The following WNT7A variants were observed in gnomAD, a reference collection of about 807,000 sequenced individuals.
WNT7A encodes protein Wnt-7a.
WNT7A carries 16 observed loss-of-function variants against 28.2 expected under a neutral mutation model. That is an observed-to-expected ratio of 0.57 (90% CI 0.38 to 0.86). WNT7A has a LOEUF of 0.86. WNT7A is among the 40% of genes least tolerant of loss of function. The pLI, the probability that WNT7A is intolerant of heterozygous loss-of-function variation, is 0.00. For missense variants in WNT7A, 411 were observed against 489.7 expected (o/e 0.84, Z 1.52); for synonymous variants, 190 against 195.9 (o/e 0.97, Z 0.25).
At chr3:13,823,367 C>T (rs534668130) in intron 3 of WNT7A, among the ~76,000 whole-genome samples, 18 of 152,312 alleles carry the variant, frequency 1.2e-4, no homozygotes, top group Non-Finnish European at 1.8e-4. Flanking sequence ...GGCATACAGC[C>T]GGTGCGCAGA....
At chr3:13,860,928 G>A (rs972309667) in intron 2 of WNT7A, among the ~76,000 whole-genome samples, 4 of 152,302 alleles carry the variant, frequency 2.6e-5, no homozygotes, top group African/African-American at 7.2e-5. Flanking sequence ...CATACAAAAT[G>A]TTTCTTATTC....
At position 13,866,050 on chromosome 3, in the gene WNT7A, C is replaced by G. The variant is rs574798507; in HGVS notation, c.298+8897G>C. 2.0e-5 allele frequency among the ~76,000 whole-genome samples: 3 copies of G among 152,288 alleles called. No homozygotes were observed. The East Asian group carries it at 5.8e-4, about 29-fold the overall frequency. On this transcript the variant is annotated intron_variant, in intron 2 of 3. Transcript: ENST00000285018. ...GCCTTTGAGTGGAGACCTGCATATGCAGGATATGACAGGTTGCCCACTATC... is the reference window on the plus strand; with the variant it reads ...GCCTTTGAGTGGAGACCTGCATATGGAGGATATGACAGGTTGCCCACTATC...
intron 2 of WNT7A, among the ~76,000 whole-genome samples, chr3:13,862,693 T>C (rs1474045279): frequency 6.6e-6 from 1 of 152,066 alleles, no homozygotes; most frequent in Non-Finnish European, 1.5e-5. Context: ...CTTGGTAAGG[T>C]AACAGGCCCA....
intron 3 of WNT7A, among the ~76,000 whole-genome samples, chr3:13,846,176 T>G (rs977422204): frequency 4.6e-5 from 7 of 152,256 alleles, no homozygotes; most frequent in African/African-American, 1.4e-4. Flanking sequence ...GATGCACGTG[T>G]GCGTGCCTGG....
intron 3 of WNT7A, 128 bp from the exon 4 acceptor site, chr3:13,819,551 T>C: frequency 7.5e-7 from 1 of 1,326,732 alleles, no homozygotes; most frequent in Non-Finnish European, 1.0e-6. Context: ...TTTTTCTTTC[T>C]GGTGTAGGAA....
Position 13,878,159 on chromosome 3 carries a change from G to A in WNT7A, c.71+1587C>T, listed in dbSNP as rs1349141472. On this transcript the variant is annotated intron_variant, in intron 1 of 3. Coordinates refer to ENST00000285018, the MANE Select transcript of WNT7A (RefSeq NM_004625.4). The stretch of plus-strand genomic sequence containing the variant: ...CTGCCGGGCAGCTGGGCCCCCGCAG[G>A]GCCAATCCGGGGAGGCCGCGGCGCC... Among the ~76,000 whole-genome samples the A allele has an allele frequency of 3.9e-5, 6 of 152,284 alleles. No homozygotes were observed. The East Asian group carries it at 1.2e-3, about 29-fold the overall frequency.
chr3:13,820,670 C>G (rs914696569), intron 3 of WNT7A, among the ~76,000 whole-genome samples: 6 of 152,136 alleles, frequency 3.9e-5, no homozygotes, highest in African/African-American at 1.4e-4. Flanking sequence ...TGGGCCCGTT[C>G]AAGATGCTGG....
Position 13,818,707 on chromosome 3 carries a change from CG to C in WNT7A, c.*236del. ...GCTGCAGAAGGCTTCGCTCCAGCCG[CG>C]GAGGGACCTGGGCTGTGTCTGGGGG... On this transcript the variant is annotated 3_prime_UTR_variant, in exon 4 of 4. Transcript: ENST00000285018. 1 of 467,450 alleles carries C rather than the reference CG, an allele frequency of 2.1e-6. No individual in the cohort carries two copies. Among genetic ancestry groups the C allele is most frequent in the Non-Finnish European group, 3.5e-6 (1 of 284,674 alleles). The allele number at this position is 467,450 out of a possible 1,614,324, so 29.0% of individuals were successfully genotyped here.
At chr3:13,850,910 C>T (rs138262068) in intron 3 of WNT7A, among the ~76,000 whole-genome samples, 7 of 152,182 alleles carry the variant, frequency 4.6e-5, no homozygotes, top group African/African-American at 7.2e-5. Flanking sequence ...CTCCAACCTC[C>T]CTGACTGTCC....
rs918022828 is a variant in WNT7A, at chr3:13,879,949, G to C, written c.-133C>G. On this transcript the variant is annotated 5_prime_UTR_variant, in exon 1 of 4. Transcript: ENST00000285018. ...CCCGGGGCCGTCTGTCGGTGCGCCC[G>C]TCCGCGCGCTCCGCGCCTGAGCCTC... 1.2e-4 allele frequency: 75 copies of C among 614,578 alleles called. No individual in the cohort carries two copies. The highest frequency in any genetic ancestry group is 1.5e-4 in the Non-Finnish European group (62 of 415,080). 38.1% of individuals were successfully genotyped at this position (614,578 alleles called of 1,614,324 possible).
intron 2 of WNT7A, among the ~76,000 whole-genome samples, chr3:13,858,651 C>T (rs1246142154): frequency 1.3e-5 from 2 of 152,200 alleles, no homozygotes; most frequent in African/African-American, 4.8e-5. Context: ...TTCCCCTCCC[C>T]ACCAAGCTGG....
At chr3:13,868,588 G>GAAAGAA (rs1246411957) in intron 2 of WNT7A, among the ~76,000 whole-genome samples, 9 of 14,032 alleles carry the variant, frequency 6.4e-4, no homozygotes, top group African/African-American at 3.0e-3. Context: ...GAGAGAGAGA[G>GAAAGAA]AGGGAGAAAG....
chr3:13,822,875 A>T (rs1694134991), intron 3 of WNT7A, among the ~76,000 whole-genome samples: 1 of 152,156 alleles, frequency 6.6e-6, no homozygotes, highest in South Asian at 2.1e-4. Context: ...TAGTGCAGAA[A>T]ATGGCTCCTG....
chr3:13,861,566 G>A (rs1052433358), intron 2 of WNT7A, among the ~76,000 whole-genome samples: 1 of 152,214 alleles, frequency 6.6e-6, no homozygotes, highest in African/African-American at 2.4e-5. Context: ...TATCTGGGGT[G>A]GTGCCTTGAG....
chr3:13,851,876 A>C (rs1694643910), intron 3 of WNT7A, among the ~76,000 whole-genome samples: 1 of 152,236 alleles, frequency 6.6e-6, no homozygotes, highest in South Asian at 2.1e-4. Context: ...TCCAAAGTAC[A>C]AAGGCCCCGA....
intron 3 of WNT7A, among the ~76,000 whole-genome samples, chr3:13,827,683 C>T (rs561783052): frequency 1.3e-5 from 2 of 152,152 alleles, no homozygotes; most frequent in Non-Finnish European, 2.9e-5. Context: ...CAACCTCTGG[C>T]TCCCACAGGG....
chr3:13,871,281 C>A (rs1015819297), intron 2 of WNT7A, among the ~76,000 whole-genome samples: 2 of 152,226 alleles, frequency 1.3e-5, no homozygotes, highest in African/African-American at 4.8e-5. Flanking sequence ...CCCTTGTTAG[C>A]TGGTCATTCC....
chr3:13,832,853 G>C (rs1022624027), intron 3 of WNT7A, among the ~76,000 whole-genome samples: 1 of 152,050 alleles, frequency 6.6e-6, no homozygotes, highest in South Asian at 2.1e-4. Flanking sequence ...GCCAGAGAGA[G>C]GTTTTCTGGT....
In WNT7A at chr3:13,817,090, G is replaced by A. The variant is rs1694015965; in HGVS notation, c.*1854C>T. On this transcript the variant is annotated 3_prime_UTR_variant, in exon 4 of 4. Coordinates refer to ENST00000285018, the MANE Select transcript of WNT7A (RefSeq NM_004625.4). ...AGGGCTCCCAGCAGGTGGGGCCATGGGGCTGTGCTGTGGTCTCAGAGGTGT... is the reference window on the plus strand; with the variant it reads ...AGGGCTCCCAGCAGGTGGGGCCATGAGGCTGTGCTGTGGTCTCAGAGGTGT... 1 of 152,290 alleles carries A rather than the reference G, an allele frequency of 6.6e-6. No individual in the cohort carries two copies. The allele number at this position is 152,290 out of a possible 1,614,324, so 9.4% of individuals were successfully genotyped here.
Sources: allele counts gnomAD v4.1 joint callset (sites outside exome capture counted in the v4.1 genomes callset), GRCh38; gene constraint gnomAD v4.1.1; transcripts MANE v1.5; gene names NCBI Gene and HGNC (gene_info 2026-07-23, HGNC 2026-07-21).